The following COL4A3 variants were observed in gnomAD, a reference collection of about 807,000 sequenced individuals.
COL4A3 encodes the protein collagen alpha-3(IV) chain.
In COL4A3, 135 loss-of-function variants were observed where a neutral mutation model predicts 217.4. The observed-to-expected ratio is 0.62, with a 90% CI of 0.54 to 0.72. The LOEUF (loss-of-function observed/expected upper bound fraction) is 0.72, where lower values mean the gene tolerates loss of function less well. COL4A3 is among the 30% of genes least tolerant of loss of function. The pLI is 0.00. For synonymous variants in COL4A3, 690 were observed against 736.3 expected (o/e 0.94, Z 1.02); for missense variants, 1,868 against 2,119.9 (o/e 0.88, Z 2.33).
intron 30 of COL4A3, 33 bp from the exon 31 acceptor site, chr2:227,280,860 C>CA: frequency 6.9e-7 from 1 of 1,445,668 alleles, no homozygotes; most frequent in Non-Finnish European, 9.5e-7. Context: ...TAAGTTCTAG[C>CA]ACCTGGGTAT....
chr2:227,193,733 G>GAGGGAGGGAAGA (rs1211070347), intron 1 of COL4A3, among the ~76,000 whole-genome samples: 1,624 of 53,622 alleles, frequency 0.03, 387 homozygotes, highest in East Asian at 0.28. Context: ...AAGAAGGAAG[G>GAGGGAGGGAAGA]AGGGAGGGAG....
rs377680447 is a variant in COL4A3, at chr2:227,292,587, A to G, written c.3211-604A>G. On this transcript the variant is annotated intron_variant, in intron 37 of 51. Coordinates refer to ENST00000396578, the MANE Select transcript of COL4A3 (RefSeq NM_000091.5). ...AATTTTGTAAATCTTTATCAAACCT[A>G]TATGTTCGGGTTTGTCGTAAAACTG... Among the ~76,000 whole-genome samples, 39 of 152,320 alleles carry G rather than the reference A, an allele frequency of 2.6e-4. No individual in the cohort carries two copies. The South Asian group carries it at 7.7e-3, about 30-fold the overall frequency.
chr2:227,269,105 GA>G (rs1379027881), intron 23 of COL4A3, among the ~76,000 whole-genome samples: 3 of 152,172 alleles, frequency 2.0e-5, no homozygotes, highest in African/African-American at 7.2e-5. Context: ...GACCCACCCA[GA>G]AGGTCATTTA....
intron 47 of COL4A3, among the ~76,000 whole-genome samples, chr2:227,306,671 T>C (rs775036071): frequency 7.9e-5 from 12 of 151,988 alleles, no homozygotes; most frequent in East Asian, 1.9e-4. Context: ...ATGCATAATA[T>C]TGGGGCTTTT....
chr2:227,240,470 A>G (rs746844111), intron 3 of COL4A3, among the ~76,000 whole-genome samples: 2 of 152,056 alleles, frequency 1.3e-5, no homozygotes, highest in Non-Finnish European at 2.9e-5. Context: ...TCCCTAACCT[A>G]CAGTGTCTAC....
chr2:227,260,468 G>A (rs1229595576), intron 19 of COL4A3, among the ~76,000 whole-genome samples: 1 of 152,196 alleles, frequency 6.6e-6, no homozygotes, highest in Non-Finnish European at 1.5e-5. Context: ...GACACTAGAA[G>A]ATTGTAAAAA....
intron 34 of COL4A3, among the ~76,000 whole-genome samples, chr2:227,288,472 G>A (rs570451806): frequency 1.3e-5 from 2 of 152,256 alleles, no homozygotes; most frequent in East Asian, 1.9e-4. Flanking sequence ...TTCCTGGGAC[G>A]TTTATGAGCT....
At chr2:227,238,917 T>C (rs1018606757) in intron 2 of COL4A3, among the ~76,000 whole-genome samples, 78 of 152,350 alleles carry the variant, frequency 5.1e-4, no homozygotes, top group Middle Eastern at 3.4e-3. Flanking sequence ...GTTTCTATTA[T>C]TTGCAAGATG....
Position 227,250,991 on chromosome 2 carries a change from T to A in COL4A3, c.547-149T>A, listed in dbSNP as rs986825698. ...TGTTACACATGGCAACACTTTTTGA[T>A]GTTTGTTATCATTAGCTGCAGCCAC... On this transcript the variant is annotated intron_variant, in intron 9 of 51. Coordinates refer to ENST00000396578, the MANE Select transcript of COL4A3 (RefSeq NM_000091.5). The surrounding 1 kb of genome is among the most constrained non-coding windows in gnomAD (Gnocchi z 4.1). 79 of 689,558 alleles carry A rather than the reference T, an allele frequency of 1.1e-4. No homozygotes were observed. The East Asian group carries it at 2.1e-3, about 19-fold the overall frequency. 42.7% of individuals were successfully genotyped at this position (689,558 alleles called of 1,614,324 possible).
intron 20 of COL4A3, among the ~76,000 whole-genome samples, chr2:227,263,376 T>C (rs1329204164): frequency 2.0e-5 from 3 of 152,228 alleles, no homozygotes; most frequent in Non-Finnish European, 4.4e-5. Context: ...TCTAAGACAC[T>C]GGCAGGAATA....
chr2:227,244,054 A>G (rs1035362950), intron 3 of COL4A3, among the ~76,000 whole-genome samples: 4 of 152,174 alleles, frequency 2.6e-5, no homozygotes, highest in South Asian at 2.1e-4. Flanking sequence ...AAGATTCTAC[A>G]TTTCTGATAA....
At chr2:227,204,931 C>T (rs1351444644) in intron 1 of COL4A3, among the ~76,000 whole-genome samples, 2 of 152,160 alleles carry the variant, frequency 1.3e-5, no homozygotes, top group African/African-American at 4.8e-5. Context: ...ATACATAATA[C>T]ATGAAGTTGT....
intron 43 of COL4A3, 48 bp downstream of exon 43, chr2:227,298,860 T>A: frequency 6.6e-7 from 1 of 1,523,402 alleles, no homozygotes; most frequent in Non-Finnish European, 9.0e-7. Flanking sequence ...AATATCAACT[T>A]ATAATTATTC....
At chr2:227,209,796 C>T (rs1391741861) in intron 1 of COL4A3, among the ~76,000 whole-genome samples, 3 of 152,066 alleles carry the variant, frequency 2.0e-5, no homozygotes, top group Non-Finnish European at 2.9e-5. Context: ...GAGCTGAGAT[C>T]GTGCCATTGC....
intron 1 of COL4A3, among the ~76,000 whole-genome samples, chr2:227,218,017 A>T (rs896063072): frequency 6.7e-6 from 1 of 150,016 alleles, no homozygotes; most frequent in Admixed American, 6.7e-5. Flanking sequence ...CCATATAACT[A>T]TATATAGTCA....
At chr2:227,292,222 T>C (rs1173787105) in intron 37 of COL4A3, among the ~76,000 whole-genome samples, 1 of 152,138 alleles carries the variant, frequency 6.6e-6, no homozygotes, top group African/African-American at 2.4e-5. Flanking sequence ...AGCTATAGTC[T>C]CCAGTAGTAA....
rs1276231358 is a variant in COL4A3 at position 227,282,458 on chromosome 2, C to T, written c.2582C>T (p.Pro861Leu). ...GGAGAAACTGGATCACCAGGAATTC[C>T]AGGTCATCAAGGTGAAATGGGACCA... ...FPGETGSPGI[P>L]GHQGEMGPLG... Residue 861 changes from proline (P) to leucine (L), a missense_variant, in exon 32 of 52, where the codon CCA becomes CTA. Pro to Leu is a moderately conservative substitution (Grantham distance 98). Around this residue, in one of 2 missense-constraint regions of COL4A3, gnomAD observed 1,503 missense variants for 1,786.1 expected, o/e 0.84. Coordinates refer to ENST00000396578, the MANE Select transcript of COL4A3 (RefSeq NM_000091.5). The surrounding 1 kb of genome is among the most constrained non-coding windows in gnomAD (Gnocchi z 4.4). 5.0e-6 allele frequency: 8 copies of T among 1,613,620 alleles called. No homozygotes were observed. Among genetic ancestry groups the T allele is most frequent in the Non-Finnish European group, 6.8e-6 (8 of 1,179,958 alleles).
chr2:227,245,746 C>T, intron 5 of COL4A3: 1 of 622,028 alleles, frequency 1.6e-6, no homozygotes, highest in South Asian at 1.8e-5. Context: ...GAAATATCCA[C>T]ATCTCATTTG....
chr2:227,178,716 T>C (rs1406933345), intron 1 of COL4A3, among the ~76,000 whole-genome samples: 1 of 151,740 alleles, frequency 6.6e-6, no homozygotes, highest in Non-Finnish European at 1.5e-5. Flanking sequence ...TTTTTGTTTT[T>C]TTTTTGTATT....
Sources: gnomAD v4.1 joint callset for allele counts (sites outside exome capture counted in the v4.1 genomes callset) on GRCh38, gnomAD v4.1.1 for gene constraint, gnomAD v4.1.1 regional missense constraint, Gnocchi (gnomAD v3.1) non-coding constraint, MANE v1.5 for transcripts, NCBI Gene and HGNC (gene_info 2026-07-23, HGNC 2026-07-21) for gene names.